NEURL1B: variants seen among roughly 807,000 people sequenced by gnomAD.
NEURL1B encodes the protein neuralized E3 ubiquitin protein ligase 1B.
Under a neutral mutation model 37.4 loss-of-function variants are expected in NEURL1B, and 13 were observed. The observed-to-expected ratio is 0.35, with a 90% CI of 0.23 to 0.55. NEURL1B has a LOEUF of 0.55. Ranked by LOEUF, NEURL1B falls within the 20% of genes least tolerant of loss-of-function variation. NEURL1B has a pLI of 0.89. For synonymous variants in NEURL1B, 432 were observed against 426.6 expected (o/e 1.01, Z -0.16); for missense variants, 790 against 879.2 (o/e 0.90, Z 1.28).
intron 1 of NEURL1B, among the ~76,000 whole-genome samples, chr5:172,646,939 G>A (rs871761): frequency 0.047 from 7,130 of 151,454 alleles, 356 homozygotes; most frequent in African/African-American, 0.13. Context: ...CAGTGGGAAA[G>A]TCTGGAGGCG....
Position 172,686,846 on chromosome 5 carries a change from G to A in NEURL1B, c.1589G>A (p.Arg530Gln). Residue 530 changes from arginine to glutamine, a missense_variant, in exon 5 of 5, where the codon CGG becomes CAG. Physicochemically the swap from Arg to Gln is conservative, Grantham distance 43. Coordinates refer to ENST00000369800, the MANE Select transcript of NEURL1B (RefSeq NM_001142651.3). The surrounding 1 kb of genome is among the most constrained non-coding windows in gnomAD (Gnocchi z 7.9). ...TGCCTGTGCCACAGCTGCGGCCTGC[G>A]GCTCAAGCGACAGGCCCGGGCCTGC... ...HMCLCHSCGL[R>Q]LKRQARACCP... 3.2e-6 allele frequency: 5 copies of A among 1,551,020 alleles called. No individual in the cohort carries two copies. The highest frequency in any genetic ancestry group is 1.2e-5 in the South Asian group (1 of 84,062).
At position 172,664,025 on chromosome 5, in the gene NEURL1B, C is replaced by T. The variant is rs183789841; in HGVS notation, c.32-5760C>T. Among the ~76,000 whole-genome samples, 62 of 151,592 alleles carry T rather than the reference C, an allele frequency of 4.1e-4. 1 individual carries two copies. The East Asian group carries it at 0.012, about 29-fold the overall frequency. Reference sequence around the variant, plus strand: ...GAATATTCTGCAGCCATGAAACAAGCAGAGAAGGCTTGGGAGCGATGTGGG... The same window carrying T: ...GAATATTCTGCAGCCATGAAACAAGTAGAGAAGGCTTGGGAGCGATGTGGG... On this transcript the variant is annotated intron_variant, in intron 1 of 4. Coordinates refer to ENST00000369800, the MANE Select transcript of NEURL1B (RefSeq NM_001142651.3).
At position 172,661,027 on chromosome 5, in the gene NEURL1B, C is replaced by T. The variant is rs1423153024; in HGVS notation, c.32-8758C>T. On this transcript the variant is annotated intron_variant, in intron 1 of 4. Transcript: ENST00000369800. The surrounding 1 kb of genome is among the most constrained non-coding windows in gnomAD (Gnocchi z 4.0). ...GATATCTTGGCCCCTCTGGATATGG[C>T]GGGAAGCCTTGCTAAATACCAGCCT... Among the ~76,000 whole-genome samples, 2 of 152,132 alleles carry T rather than the reference C, an allele frequency of 1.3e-5. No individual in the cohort carries two copies. Among genetic ancestry groups the T allele is most frequent in the African/African-American group, 2.4e-5 (1 of 41,430 alleles).
chr5:172,641,569 C>A lies in NEURL1B; in HGVS notation c.31+132C>A. 8 of 733,924 alleles carry A rather than the reference C, an allele frequency of 1.1e-5. No homozygotes were observed. Among genetic ancestry groups the A allele is most frequent in the Non-Finnish European group, 1.5e-5 (8 of 534,598 alleles). The allele number at this position is 733,924 out of a possible 1,614,324, so 45.5% of individuals were successfully genotyped here. A position where few individuals can be genotyped will look rare whatever the true frequency, so the allele number is the denominator to read the frequency against. On this transcript the variant is annotated intron_variant, in intron 1 of 4. Coordinates refer to ENST00000369800, the MANE Select transcript of NEURL1B (RefSeq NM_001142651.3). This position sits in a 1 kb window ranked among gnomAD's most constrained non-coding sequence, Gnocchi z 6.4. The stretch of plus-strand genomic sequence containing the variant: ...TCGCAGCGGGCTGGAGTCTCCGGTA[C>A]CTCCCGGACCTCAGCTCGGCGCGCG...
rs1433122974 is a variant in NEURL1B, at chr5:172,676,948, G to T, written c.578-6471G>T. On this transcript the variant is annotated intron_variant, in intron 2 of 4. Coordinates refer to ENST00000369800, the MANE Select transcript of NEURL1B (RefSeq NM_001142651.3). The surrounding 1 kb of genome is among the most constrained non-coding windows in gnomAD (Gnocchi z 4.5). Reference sequence around the variant, plus strand: ...CCTGAACTTATGGAGTTAAATGCAGGGTTCGGAGGTCTGAGCGCACCATTC... The same window carrying T: ...CCTGAACTTATGGAGTTAAATGCAGTGTTCGGAGGTCTGAGCGCACCATTC... Among the ~76,000 whole-genome samples, 1 of 152,160 alleles carries T rather than the reference G, an allele frequency of 6.6e-6. No homozygotes were observed. Among genetic ancestry groups the T allele is most frequent in the Non-Finnish European group, 1.5e-5 (1 of 68,038 alleles).
At chr5:172,656,372 T>C (rs1284941688) in intron 1 of NEURL1B, 1 of 612,292 alleles carries the variant, frequency 1.6e-6, no homozygotes, top group African/African-American at 1.9e-5. Context: ...TATTTATTTT[T>C]ACAAAAGTTT....
Position 172,685,229 on chromosome 5 carries a change from T to A in NEURL1B, c.1298-942T>A, listed in dbSNP as rs1758469171. Among the ~76,000 whole-genome samples, 3 of 152,194 alleles carry A rather than the reference T, an allele frequency of 2.0e-5. No individual in the cohort carries two copies. In the South Asian group the frequency reaches 6.2e-4, roughly 32 times the overall value. Reference sequence around the variant, plus strand: ...TGAGCGGGGCCTGACACTGGTTTAATCAGTGGTAACAGTAACAACAGCAGC... The same window carrying A: ...TGAGCGGGGCCTGACACTGGTTTAAACAGTGGTAACAGTAACAACAGCAGC... On this transcript the variant is annotated intron_variant, in intron 3 of 4. Transcript: ENST00000369800.
chr5:172,643,041 C>T (rs754650743), intron 1 of NEURL1B, among the ~76,000 whole-genome samples: 10 of 152,180 alleles, frequency 6.6e-5, no homozygotes, highest in Non-Finnish European at 1.3e-4. Flanking sequence ...CCCTGGGGTG[C>T]GTAAAGGGAC....
Position 172,683,863 on chromosome 5 carries a change from G to C in NEURL1B, c.1022G>C (p.Gly341Ala). 1 of 1,385,008 alleles carries C rather than the reference G, an allele frequency of 7.2e-7. No individual in the cohort carries two copies. Among genetic ancestry groups the C allele is most frequent in the Non-Finnish European group, 9.4e-7 (1 of 1,064,576 alleles). The allele number at this position is 1,385,008 out of a possible 1,614,324, so 85.8% of individuals were successfully genotyped here. Residue 341 changes from glycine to alanine, a missense_variant, in exon 3 of 5, where the codon GGC becomes GCC. By Grantham distance (60) the Gly-to-Ala change is moderately conservative. Around this residue, in one of 3 missense-constraint regions of NEURL1B, gnomAD observed 460 missense variants for 407.4 expected, o/e 1.13. Coordinates refer to ENST00000369800, the MANE Select transcript of NEURL1B (RefSeq NM_001142651.3). This position sits in a 1 kb window ranked among gnomAD's most constrained non-coding sequence, Gnocchi z 5.6. ...GLAAPGALAF[G>A]ITSCDPGVLR... ...GCGGCGCCCGGCGCGCTGGCCTTCG[G>C]CATCACGTCGTGCGACCCGGGCGTG...
At position 172,661,406 on chromosome 5, in the gene NEURL1B, C is replaced by G. The variant is rs1481885627; in HGVS notation, c.32-8379C>G. ...AAGGTCCATGAACCATTCCCCACGCCCCGCCAACCCAAAAGTTATGGCAGC... is the reference window on the plus strand; with the variant it reads ...AAGGTCCATGAACCATTCCCCACGCGCCGCCAACCCAAAAGTTATGGCAGC... On this transcript the variant is annotated intron_variant, in intron 1 of 4. Transcript: ENST00000369800. This position sits in a 1 kb window ranked among gnomAD's most constrained non-coding sequence, Gnocchi z 4.0. Among the ~76,000 whole-genome samples, 1 of 152,202 alleles carries G rather than the reference C, an allele frequency of 6.6e-6. No homozygotes were observed. The highest frequency in any genetic ancestry group is 1.9e-4 in the East Asian group (1 of 5,192).
chr5:172,664,386 A>G (rs1185454471), intron 1 of NEURL1B, among the ~76,000 whole-genome samples: 1 of 149,738 alleles, frequency 6.7e-6, no homozygotes, highest in East Asian at 2.0e-4. Context: ...CAGCACAGCC[A>G]TGGTACATCG....
At position 172,687,204 on chromosome 5, in the gene NEURL1B, C is replaced by T. The variant is rs1158238335; in HGVS notation, c.*279C>T. ...CCTTGGTGACCTTTCAACTGGGAAA[C>T]AGCGTCCTCTGTCTGTGCAATGCTT... On this transcript the variant is annotated 3_prime_UTR_variant, in exon 5 of 5. Coordinates refer to ENST00000369800, the MANE Select transcript of NEURL1B (RefSeq NM_001142651.3). 7 of 348,980 alleles carry T rather than the reference C, an allele frequency of 2.0e-5. No homozygotes were observed. The highest frequency in any genetic ancestry group is 8.3e-5 in the South Asian group (2 of 24,068). 21.6% of individuals were successfully genotyped at this position (348,980 alleles called of 1,614,324 possible).
At chr5:172,679,490 G>A (rs1758303834) in intron 2 of NEURL1B, among the ~76,000 whole-genome samples, 2 of 152,216 alleles carry the variant, frequency 1.3e-5, no homozygotes, top group South Asian at 4.1e-4. Context: ...TCTGCCTATA[G>A]CCGACTGGTT....
rs1757793020 is a variant in NEURL1B, at chr5:172,657,003, G to A, written c.32-12782G>A. 6.6e-6 allele frequency among the ~76,000 whole-genome samples: 1 copy of A among 152,176 alleles called. No homozygotes were observed. The highest frequency in any genetic ancestry group is 1.5e-5 in the Non-Finnish European group (1 of 68,030). ...GGATCTGTGCTCCCAAAATTGATCTGTGCAGTAGGACCAAATAGTCCTGCT... is the reference window on the plus strand; with the variant it reads ...GGATCTGTGCTCCCAAAATTGATCTATGCAGTAGGACCAAATAGTCCTGCT... On this transcript the variant is annotated intron_variant, in intron 1 of 4. Coordinates refer to ENST00000369800, the MANE Select transcript of NEURL1B (RefSeq NM_001142651.3). The surrounding 1 kb of genome is among the most constrained non-coding windows in gnomAD (Gnocchi z 4.0).
At chr5:172,660,332 C>T (rs1467942938) in intron 1 of NEURL1B, among the ~76,000 whole-genome samples, 2 of 152,216 alleles carry the variant, frequency 1.3e-5, no homozygotes, top group Non-Finnish European at 2.9e-5. Context: ...GGAACTCTCG[C>T]ATCAGAGCCC....
At chr5:172,659,027 C>G (rs1482584482) in intron 1 of NEURL1B, among the ~76,000 whole-genome samples, 4 of 38,826 alleles carry the variant, frequency 1.0e-4, no homozygotes, top group Non-Finnish European at 1.6e-4. Context: ...CACCACCACC[C>G]CTGCCCGCCC....
intron 2 of NEURL1B, among the ~76,000 whole-genome samples, chr5:172,671,088 G>C (rs553911315): frequency 6.6e-6 from 1 of 152,296 alleles, no homozygotes; most frequent in East Asian, 1.9e-4. Context: ...CCATTTTAAA[G>C]TGTACAACTG....
rs574689797 is a variant in NEURL1B, at chr5:172,665,095, G to A, written c.32-4690G>A. Among the ~76,000 whole-genome samples, 5 of 152,334 alleles carry A rather than the reference G, an allele frequency of 3.3e-5. No homozygotes were observed. In the South Asian group the frequency reaches 1.0e-3, roughly 32 times the overall value. On this transcript the variant is annotated intron_variant, in intron 1 of 4. Coordinates refer to ENST00000369800, the MANE Select transcript of NEURL1B (RefSeq NM_001142651.3). This position sits in a 1 kb window ranked among gnomAD's most constrained non-coding sequence, Gnocchi z 4.1. ...AGAAACTCTCTGACTGAGAGATGAG[G>A]TCGGAAAACAACAGTGATGGGGAGG...
At chr5:172,672,547 C>CCG (rs1554098439) in intron 2 of NEURL1B, among the ~76,000 whole-genome samples, 2 of 147,194 alleles carry the variant, frequency 1.4e-5, no homozygotes, top group Admixed American at 6.8e-5. Flanking sequence ...CTCTCCCCCC[C>CCG]CCACTCTATT....
Sources: allele counts gnomAD v4.1 joint callset (sites outside exome capture counted in the v4.1 genomes callset), GRCh38; gene constraint gnomAD v4.1.1; regional missense constraint gnomAD v4.1.1; non-coding constraint Gnocchi (gnomAD v3.1); transcripts MANE v1.5; gene names NCBI Gene and HGNC (gene_info 2026-07-23, HGNC 2026-07-21).